Variants in SMYD3 observed in about 807,000 individuals in gnomAD.
The protein encoded by SMYD3 is SET and MYND domain containing 3.
Under a neutral mutation model 57.7 loss-of-function variants are expected in SMYD3, and 36 were observed. That is an observed-to-expected ratio of 0.62 (90% CI 0.48 to 0.82). The LOEUF (loss-of-function observed/expected upper bound fraction) is 0.82. Among genes scored for constraint, SMYD3 ranks in the 40% least tolerant of loss-of-function variants. The pLI, the probability that SMYD3 is intolerant of heterozygous loss-of-function variation, is 0.00. For missense variants in SMYD3, 515 were observed against 538.8 expected (o/e 0.96, Z 0.44); for synonymous variants, 211 against 195.0 (o/e 1.08, Z -0.68).
At chr1:246,430,398 T>C (rs918906956) in intron 1 of SMYD3, among the ~76,000 whole-genome samples, 6 of 152,178 alleles carry the variant, frequency 3.9e-5, no homozygotes, top group African/African-American at 1.4e-4. Context: ...CATGGAGGTA[T>C]TTCAGATCAC....
At chr1:246,242,485 T>C (rs2063631128) in intron 5 of SMYD3, among the ~76,000 whole-genome samples, 1 of 152,208 alleles carries the variant, frequency 6.6e-6, no homozygotes, top group African/African-American at 2.4e-5. Flanking sequence ...TTCTTTTATA[T>C]TTGCTGAGGA....
chr1:246,041,460 T>C (rs2059870570), intron 5 of SMYD3, among the ~76,000 whole-genome samples: 1 of 152,236 alleles, frequency 6.6e-6, no homozygotes, highest in African/African-American at 2.4e-5. Context: ...CTGAAGTTTC[T>C]AATAGTAAGT....
chr1:246,506,617 T>C (rs1320664525), intron 1 of SMYD3, among the ~76,000 whole-genome samples: 2 of 152,186 alleles, frequency 1.3e-5, no homozygotes, highest in African/African-American at 4.8e-5. Context: ...GCGGGGCCTC[T>C]GCAGGGGAGC....
intron 5 of SMYD3, among the ~76,000 whole-genome samples, chr1:246,215,250 G>A (rs915190135): frequency 3.3e-5 from 5 of 152,144 alleles, no homozygotes; most frequent in Admixed American, 2.0e-4. Flanking sequence ...CATGGTCTAT[G>A]TATATTGTCA....
At chr1:246,299,784 T>C (rs1287812118) in intron 5 of SMYD3, among the ~76,000 whole-genome samples, 2 of 151,920 alleles carry the variant, frequency 1.3e-5, no homozygotes, top group African/African-American at 4.8e-5. Flanking sequence ...GGCTACATAA[T>C]GAGAACACAT....
intron 5 of SMYD3, among the ~76,000 whole-genome samples, chr1:246,164,154 G>A (rs2062165372): frequency 6.6e-6 from 1 of 152,090 alleles, no homozygotes; most frequent in South Asian, 2.1e-4. Context: ...GAGAGAAAAC[G>A]AGCTATATAA....
At chr1:246,502,330 C>T (rs939739638) in intron 1 of SMYD3, among the ~76,000 whole-genome samples, 2 of 151,910 alleles carry the variant, frequency 1.3e-5, no homozygotes, top group Middle Eastern at 3.2e-3. Context: ...CAGGGTTTTG[C>T]CATGTCGCAC....
At chr1:245,859,539 A>G (rs2051424175) in intron 9 of SMYD3, among the ~76,000 whole-genome samples, 1 of 152,192 alleles carries the variant, frequency 6.6e-6, no homozygotes, top group Non-Finnish European at 1.5e-5. Flanking sequence ...GACATGGTTT[A>G]TGGAGCGTAA....
intron 5 of SMYD3, among the ~76,000 whole-genome samples, chr1:246,230,057 G>A (rs1026449170): frequency 2.0e-5 from 3 of 152,126 alleles, no homozygotes; most frequent in Admixed American, 6.6e-5. Flanking sequence ...ACATGACAAC[G>A]TTTAATATCA....
intron 2 of SMYD3, among the ~76,000 whole-genome samples, chr1:246,338,767 A>G (rs913213079): frequency 3.3e-5 from 5 of 152,238 alleles, no homozygotes; most frequent in Non-Finnish European, 7.3e-5. Context: ...TATTTATAAC[A>G]GTTCACGACA....
At chr1:246,506,126 C>T (rs1265683598) in intron 1 of SMYD3, among the ~76,000 whole-genome samples, 1 of 152,212 alleles carries the variant, frequency 6.6e-6, no homozygotes, top group Non-Finnish European at 1.5e-5. Flanking sequence ...CTCAGACTGG[C>T]AGGTCTGAAA....
At chr1:246,295,834 TTGAGA>T (rs1481654342) in intron 5 of SMYD3, among the ~76,000 whole-genome samples, 1 of 152,134 alleles carries the variant, frequency 6.6e-6, no homozygotes, top group East Asian at 1.9e-4. Flanking sequence ...CGTTAAACAA[TTGAGA>T]TGACAGGCAT....
intron 1 of SMYD3, among the ~76,000 whole-genome samples, chr1:246,395,577 T>A (rs2066645875): frequency 7.7e-6 from 1 of 130,558 alleles, no homozygotes; most frequent in South Asian, 2.9e-4. Context: ...CTACTGCGAG[T>A]GGACCCCCAC....
chr1:246,435,895 T>TA (rs11438352), intron 1 of SMYD3, among the ~76,000 whole-genome samples: 13,064 of 151,744 alleles, frequency 0.086, 870 homozygotes, highest in East Asian at 0.32. Flanking sequence ...TTCCCTCTAT[T>TA]AGAGTTTTTG....
chr1:246,293,843 T>C lies in SMYD3; in HGVS notation c.531+33358A>G, dbSNP rs142885061. 6.0e-3 allele frequency among the ~76,000 whole-genome samples: 920 copies of C among 152,300 alleles called. 11 individuals are homozygous for C. Among genetic ancestry groups the C allele is most frequent in the African/African-American group, 0.021 (875 of 41,560 alleles). On this transcript the variant is annotated intron_variant, in intron 5 of 11. Transcript: ENST00000490107. The stretch of plus-strand genomic sequence containing the variant: ...CTATTCACAGTCAGGTTTCTCAAAA[T>C]GATCAAGCACTCATGACTCTAAGGT...
chr1:245,758,976 G>T (rs2045723063), intron 11 of SMYD3, among the ~76,000 whole-genome samples: 1 of 152,172 alleles, frequency 6.6e-6, no homozygotes, highest in Admixed American at 6.5e-5. Context: ...TCCAGCAAGA[G>T]AATGAAGTGA....
chr1:246,279,533 A>G (rs909866792), intron 5 of SMYD3, among the ~76,000 whole-genome samples: 3 of 152,160 alleles, frequency 2.0e-5, no homozygotes, highest in African/African-American at 7.2e-5. Flanking sequence ...ACAAAAACAA[A>G]AACAAAAAAA....
intron 5 of SMYD3, among the ~76,000 whole-genome samples, chr1:246,076,848 C>G (rs181708960): frequency 6.6e-6 from 1 of 151,836 alleles, no homozygotes; most frequent in Non-Finnish European, 1.5e-5. Flanking sequence ...TAGAAGAAGA[C>G]GAGATAAATA....
At chr1:245,952,700 A>G (rs7349144) in intron 5 of SMYD3, among the ~76,000 whole-genome samples, 88,185 of 152,124 alleles carry the variant, frequency 0.58, 29,443 homozygotes, top group Non-Finnish European at 0.77. Flanking sequence ...GTGCAAAAAC[A>G]CTGAAAGTCA....
Sources: allele counts gnomAD v4.1 joint callset (sites outside exome capture counted in the v4.1 genomes callset), GRCh38; gene constraint gnomAD v4.1.1; transcripts MANE v1.5; gene names NCBI Gene and HGNC (gene_info 2026-07-23, HGNC 2026-07-21).